SLC71A1: variants seen among roughly 807,000 people sequenced by gnomAD.
The protein encoded by SLC71A1 is solute carrier family 71 member 1, also known as hippocampus abundant gene transcript 1.
the SLC71A1 span, among the ~76,000 whole-genome samples, chr1:100,046,212 G>GTTTTTTTTTTTTTTTTTTTT: frequency 7.4e-5 from 4 of 54,078 alleles, 1 homozygote; most frequent in African/African-American, 1.2e-4. Context: ...TCCAAGCCTC[G>GTTTTTTTTTTTTTTTTTTTT]TTTTTTTTTT....
the SLC71A1 span, among the ~76,000 whole-genome samples, chr1:100,046,875 T>C: frequency 2.0e-5 from 3 of 152,230 alleles, no homozygotes; most frequent in Non-Finnish European, 4.4e-5. Flanking sequence ...TTTTCAGATA[T>C]TTGCTGTTGG....
At chr1:100,074,228 A>ATT in the SLC71A1 span, among the ~76,000 whole-genome samples, 1 of 152,090 alleles carries the variant, frequency 6.6e-6, no homozygotes, top group Non-Finnish European at 1.5e-5. Context: ...GGAAAGGGGG[A>ATT]TTGGTGTATC....
At chr1:100,071,606 T>C in the SLC71A1 span, among the ~76,000 whole-genome samples, 14 of 152,338 alleles carry the variant, frequency 9.2e-5, no homozygotes, top group East Asian at 2.7e-3. Context: ...ACATTAGATT[T>C]GCTAACATTT....
chr1:100,061,871 T>C, the SLC71A1 span: 3 of 1,613,432 alleles, frequency 1.9e-6, no homozygotes, highest in South Asian at 1.1e-5. Context: ...CTGGGGTTTT[T>C]GCAGTGACTT....
At chr1:100,059,757 T>A in the SLC71A1 span, 1 of 770,844 alleles carries the variant, frequency 1.3e-6, no homozygotes, top group Non-Finnish European at 1.9e-6. Context: ...ATTTAAAAGT[T>A]TGTGATATAT....
the SLC71A1 span, among the ~76,000 whole-genome samples, chr1:100,045,188 A>G: frequency 2.0e-5 from 3 of 152,104 alleles, no homozygotes; most frequent in Non-Finnish European, 2.9e-5. Flanking sequence ...AGTGTTTTGT[A>G]CTTTTCCTTG....
the SLC71A1 span, chr1:100,069,771 T>A: frequency 2.4e-6 from 2 of 826,570 alleles, no homozygotes; most frequent in Non-Finnish European, 4.2e-6. Context: ...GGTATCTTGG[T>A]GGAATCAACA....
the SLC71A1 span, among the ~76,000 whole-genome samples, chr1:100,050,223 A>G: frequency 6.6e-6 from 1 of 152,034 alleles, no homozygotes; most frequent in African/African-American, 2.4e-5. Flanking sequence ...TGGACTTGTC[A>G]CTGGGCATGT....
At chr1:100,042,550 C>T in the SLC71A1 span, among the ~76,000 whole-genome samples, 3 of 152,030 alleles carry the variant, frequency 2.0e-5, no homozygotes, top group African/African-American at 7.2e-5. Flanking sequence ...TGTTAAATAA[C>T]CTTTGGTTGC....
chr1:100,071,361 C>T, the SLC71A1 span, among the ~76,000 whole-genome samples: 100 of 146,994 alleles, frequency 6.8e-4, no homozygotes, highest in Non-Finnish European at 1.3e-3. Context: ...GTCCCAGCTA[C>T]TCAGGAAGCT....
At chr1:100,063,445 A>G in the SLC71A1 span, among the ~76,000 whole-genome samples, 1 of 152,152 alleles carries the variant, frequency 6.6e-6, no homozygotes, top group African/African-American at 2.4e-5. Flanking sequence ...TTGAGGCTGC[A>G]GCTATGATCA....
the SLC71A1 span, among the ~76,000 whole-genome samples, chr1:100,063,731 G>A: frequency 6.6e-6 from 1 of 152,204 alleles, no homozygotes; most frequent in Non-Finnish European, 1.5e-5. Flanking sequence ...GAGAGGTTGA[G>A]GCTGCAGTGA....
the SLC71A1 span, among the ~76,000 whole-genome samples, chr1:100,053,643 A>G: frequency 6.6e-6 from 1 of 152,158 alleles, no homozygotes; most frequent in Non-Finnish European, 1.5e-5. Flanking sequence ...TTTGGGATTT[A>G]TGATAGCCTT....
At chr1:100,056,845 C>A in the SLC71A1 span, among the ~76,000 whole-genome samples, 1 of 152,258 alleles carries the variant, frequency 6.6e-6, no homozygotes, top group Non-Finnish European at 1.5e-5. Flanking sequence ...ACATCCTTGC[C>A]TATCTTTTGG....
At chr1:100,068,106 C>T in the SLC71A1 span, 1 of 1,614,168 alleles carries the variant, frequency 6.2e-7, no homozygotes, top group East Asian at 2.2e-5. Flanking sequence ...TTGTTTTATC[C>T]TTGTTGCTGT....
the SLC71A1 span, chr1:100,059,819 T>G: frequency 7.0e-7 from 1 of 1,437,220 alleles, no homozygotes; most frequent in Non-Finnish European, 9.3e-7. Context: ...TAAAATGATT[T>G]ATTTTTGGTT....
chr1:100,068,285 A>C, the SLC71A1 span: 1 of 1,101,794 alleles, frequency 9.1e-7, no homozygotes, highest in Admixed American at 2.6e-5. Flanking sequence ...CTTTAGGGAA[A>C]ACATCTTGGG....
the SLC71A1 span, among the ~76,000 whole-genome samples, chr1:100,063,263 C>CA: frequency 7.2e-5 from 10 of 138,098 alleles, no homozygotes; most frequent in South Asian, 2.1e-4. Flanking sequence ...CATGTTCTGG[C>CA]AAAAAACAAA....
the SLC71A1 span, chr1:100,050,106 C>G: frequency 2.5e-4 from 171 of 674,388 alleles, no homozygotes; most frequent in African/African-American, 2.6e-3. Flanking sequence ...TTAATTCTCC[C>G]ACCAGTATTG....
Sources: gnomAD v4.1 joint callset for allele counts (sites outside exome capture counted in the v4.1 genomes callset) on GRCh38, gnomAD v4.1.1 for gene constraint, MANE v1.5 for transcripts, NCBI Gene and HGNC (gene_info 2026-07-23, HGNC 2026-07-21) for gene names.